Variants in NCAPD3 observed in about 807,000 individuals in gnomAD.
NCAPD3 encodes the protein condensin-2 complex subunit D3.
In NCAPD3, 105 loss-of-function variants were observed where a neutral mutation model predicts 182.9. The ratio of observed to expected loss-of-function variants is 0.57; its 90% CI spans 0.49 to 0.68. The LOEUF (loss-of-function observed/expected upper bound fraction) is 0.68, where lower values mean the gene tolerates loss of function less well. NCAPD3 is among the 30% of genes least tolerant of loss of function. The pLI, the probability that NCAPD3 is intolerant of heterozygous loss-of-function variation, is 0.00. For synonymous variants in NCAPD3, 815 were observed against 679.9 expected (o/e 1.20, Z -3.09); for missense variants, 1,944 against 1,837.0 (o/e 1.06, Z -1.07).
At position 134,216,932 on chromosome 11, in the gene NCAPD3, A is replaced by G; in HGVS notation, c.382+4T>C. ...ATTTATCCTATCATATCAGGTCTAC[A>G]TACCTGGTACTTCTAGTAGCAAAAA... is the stretch of plus-strand genomic sequence containing the variant. On this transcript the variant is annotated splice_donor_region_variant and intron_variant, in intron 3 of 34. Transcript: ENST00000534548. The G allele has an allele frequency of 6.2e-7, 1 of 1,607,770 alleles. No individual in the cohort carries two copies. Among genetic ancestry groups the G allele is most frequent in the Middle Eastern group, 1.9e-4 (1 of 5,194 alleles).
rs1178485778 is a variant in NCAPD3, at chr11:134,168,051, T to C, written c.3518A>G (p.Asp1173Gly). The C allele has an allele frequency of 2.5e-6, 4 of 1,614,026 alleles. No homozygotes were observed. Among genetic ancestry groups the C allele is most frequent in the African/African-American group, 1.3e-5 (1 of 74,926 alleles). Residue 1173 changes from aspartate to glycine, a missense_variant, in exon 27 of 35, where the codon GAC (aspartate) becomes GGC (glycine). This residue lies in a region of NCAPD3 where 1,803 missense variants were observed against 1,674.6 expected (regional missense o/e 1.08). Coordinates refer to ENST00000534548, the MANE Select transcript of NCAPD3 (RefSeq NM_015261.3). ...CATGACTACATTTGCCAAGGCCATG[T>C]CATCTTCTTCCATAAGGAGGTCTTT... ...PDKDLLMEED[D>G]MALANVVMQE...
intron 13 of NCAPD3, among the ~76,000 whole-genome samples, chr11:134,199,112 A>C (rs1279271874): frequency 6.6e-6 from 1 of 152,168 alleles, no homozygotes; most frequent in African/African-American, 2.4e-5. Flanking sequence ...TGGAAATACA[A>C]GGGACCCAGA....
Position 134,153,010 on chromosome 11 carries a change from C to A in NCAPD3, c.4431G>T (p.Arg1477Ser). 6.3e-7 allele frequency: 1 copy of A among 1,592,646 alleles called. No individual in the cohort carries two copies. Among genetic ancestry groups the A allele is most frequent in the South Asian group, 1.1e-5 (1 of 87,980 alleles). The part of the protein sequence containing the change: ...PQQWNVRSPA[R>S]NKDTPACSRR... Reference sequence around the variant, plus strand: ...TGCTGCAGGCTGGAGTGTCTTTATTCCTGGCGGGAGACCGCACATTCCACT... The same window carrying A: ...TGCTGCAGGCTGGAGTGTCTTTATTACTGGCGGGAGACCGCACATTCCACT... The change falls in exon 35 of 35, where the codon AGG (arginine) becomes AGT (serine). Residue 1477 changes from arginine to serine, a missense_variant. Arg to Ser is a moderately radical substitution (Grantham distance 110). This residue lies in a region of NCAPD3 where 1,803 missense variants were observed against 1,674.6 expected (regional missense o/e 1.08). Transcript: ENST00000534548.
At chr11:134,223,308 G>A in intron 1 of NCAPD3, 2 of 655,900 alleles carry the variant, frequency 3.0e-6, no homozygotes, top group Non-Finnish European at 5.6e-6. Flanking sequence ...GAATGGAGCG[G>A]GGCTGCCCTG....
rs763064151 is a variant in NCAPD3 at position 134,223,855 on chromosome 11, C to G, written c.64+8G>C. 2 of 1,612,110 alleles carry G rather than the reference C, an allele frequency of 1.2e-6. No individual in the cohort carries two copies. The highest frequency in any genetic ancestry group is 1.7e-6 in the Non-Finnish European group (2 of 1,179,612). On this transcript the variant is annotated splice_region_variant and intron_variant, in intron 1 of 34. Transcript: ENST00000534548. ...TGGCCCCCGGGCCTCCCGGCTGCAT[C>G]TGCTCACCGAGTCTAAGATCCAGCG...
intron 1 of NCAPD3, 99 bp from the exon 2 acceptor site, chr11:134,220,825 T>C: frequency 8.9e-7 from 1 of 1,129,212 alleles, no homozygotes; most frequent in Non-Finnish European, 1.3e-6. Flanking sequence ...AAAAGTTTAC[T>C]AGTCACGATT....
Position 134,202,885 on chromosome 11 carries a change from T to C in NCAPD3, c.1546A>G (p.Thr516Ala). ...NSSAFSYQRQTSNRSEPSGEI... is the reference protein window; with the variant it reads ...NSSAFSYQRQASNRSEPSGEI... ...CCTGAGGGTTCGGAACGGTTAGATG[T>C]CTGCCTTTGGTAGGAAAAAGCTTTA... Residue 516 changes from threonine (T) to alanine (A), a missense_variant, in exon 13 of 35, where the codon ACA becomes GCA. Transcript: ENST00000534548. 1 of 1,604,236 alleles carries C rather than the reference T, an allele frequency of 6.2e-7. No homozygotes were observed. The highest frequency in any genetic ancestry group is 8.5e-7 in the Non-Finnish European group (1 of 1,177,636).
chr11:134,173,658 C>G (rs1233167753), intron 24 of NCAPD3: 1 of 152,474 alleles, frequency 6.6e-6, no homozygotes, highest in Non-Finnish European at 1.5e-5. Flanking sequence ...TGTCTAGACT[C>G]TATCTGAAGT....
chr11:134,153,456 C>T, intron 32 of NCAPD3, 93 bp from the exon 33 acceptor site: 4 of 1,310,762 alleles, frequency 3.1e-6, no homozygotes, highest in Non-Finnish European at 3.3e-6. Flanking sequence ...AGGGTGTCCA[C>T]ATCAGTGTCC....
upstream of NCAPD3, chr11:134,224,580 T>G (rs1938383544): frequency 6.6e-6 from 1 of 152,410 alleles, no homozygotes; most frequent in South Asian, 2.0e-4. Flanking sequence ...TCCTCCGGGC[T>G]GCCGGGAGTC....
intron 10 of NCAPD3, 48 bp downstream of exon 10, chr11:134,203,998 A>T: frequency 6.6e-7 from 1 of 1,510,444 alleles, no homozygotes; most frequent in South Asian, 1.1e-5. Context: ...GACCCTTTTA[A>T]AAAGAGTTTA....
chr11:134,166,099 G>C (rs1417063531), intron 27 of NCAPD3, among the ~76,000 whole-genome samples: 13 of 19,570 alleles, frequency 6.6e-4, no homozygotes, highest in South Asian at 4.1e-3. Context: ...CTTGGGGGAG[G>C]GGCACACTCA....
chr11:134,160,120 A>G (rs562408871), intron 28 of NCAPD3, 46 bp from the exon 29 acceptor site: 13 of 1,596,768 alleles, frequency 8.1e-6, no homozygotes, highest in Non-Finnish European at 1.1e-5. Context: ...TTGAATAAAA[A>G]CGTAAAGCCC....
chr11:134,160,493 T>C (rs539197047), intron 28 of NCAPD3, among the ~76,000 whole-genome samples: 177 of 152,282 alleles, frequency 1.2e-3, no homozygotes, highest in Middle Eastern at 6.8e-3. Context: ...AGTCCCAGGA[T>C]GCATGGATCT....
intron 8 of NCAPD3, among the ~76,000 whole-genome samples, chr11:134,205,420 G>A (rs527542773): frequency 2.0e-5 from 3 of 149,092 alleles, no homozygotes; most frequent in East Asian, 3.9e-4. Flanking sequence ...TGCTCTTGTC[G>A]CTCAGGCTGG....
rs1356807296 is a variant in NCAPD3 at position 134,223,900 on chromosome 11, G to A, written c.27C>T (p.Ser9=). 2.5e-6 allele frequency: 4 copies of A among 1,612,580 alleles called. No individual in the cohort carries two copies. Among genetic ancestry groups the A allele is most frequent in the African/African-American group, 1.3e-5 (1 of 74,932 alleles). The change falls in exon 1 of 35, where the codon AGC becomes AGT. Residue 9 remains serine, a synonymous_variant. Transcript: ENST00000534548. ...CCAGCGGACACCAGGGCTGCAGGCC[G>A]CTACCAAGGCCCCGCAACGCCACCA... MVALRGLG[S]GLQPWCPLDL...
intron 27 of NCAPD3, among the ~76,000 whole-genome samples, chr11:134,162,149 T>C (rs1237459197): frequency 6.6e-6 from 1 of 152,126 alleles, no homozygotes; most frequent in Non-Finnish European, 1.5e-5. Context: ...GAAAAAGAAT[T>C]AGAAACATGT....
In NCAPD3 at chr11:134,152,908, G is replaced by T. The variant is rs1718836057; in HGVS notation, c.*36C>A. 1.4e-6 allele frequency: 2 copies of T among 1,470,758 alleles called. No individual in the cohort carries two copies. The highest frequency in any genetic ancestry group is 1.4e-5 in the African/African-American group (1 of 70,768). The allele number at this position is 1,470,758 out of a possible 1,614,324, so 91.1% of individuals were successfully genotyped here. A position where few individuals can be genotyped will look rare whatever the true frequency, so the allele number is the denominator to read the frequency against. ...AGGACACGAGACTGCTTCCTCAAGG[G>T]CTCCTGCCTGCCTGGACACTGGTGG... On this transcript the variant is annotated 3_prime_UTR_variant, in exon 35 of 35. Transcript: ENST00000534548.
At chr11:134,188,694 G>A (rs960762888) in intron 16 of NCAPD3, among the ~76,000 whole-genome samples, 2 of 152,018 alleles carry the variant, frequency 1.3e-5, no homozygotes, top group Non-Finnish European at 1.5e-5. Flanking sequence ...CCAGAGGGAA[G>A]AAACTCCAGG....
Sources: allele counts gnomAD v4.1 joint callset (sites outside exome capture counted in the v4.1 genomes callset), GRCh38; gene constraint gnomAD v4.1.1; regional missense constraint gnomAD v4.1.1; transcripts MANE v1.5; gene names NCBI Gene and HGNC (gene_info 2026-07-23, HGNC 2026-07-21).